Variants in GNAQ observed in about 807,000 individuals in gnomAD.
The protein encoded by GNAQ is guanine nucleotide-binding protein G(q) subunit alpha.
GNAQ carries 8 observed loss-of-function variants against 43.9 expected under a neutral mutation model. That is an observed-to-expected ratio of 0.18 (90% confidence interval 0.11 to 0.33). GNAQ has a LOEUF of 0.33. Ranked by LOEUF, GNAQ falls within the 10% of genes least tolerant of loss-of-function variation. The pLI is 1.00. For missense variants in GNAQ, 158 were observed against 450.8 expected, an observed-to-expected ratio of 0.35 and a Z score of 5.88; for synonymous variants, 155 against 170.7, an observed-to-expected ratio of 0.91 and a Z score of 0.71.
chr9:77,863,550 T>C (rs1407748308), intron 2 of GNAQ, among the ~76,000 whole-genome samples: 1 of 152,206 alleles, frequency 6.6e-6, no homozygotes, highest in African/African-American at 2.4e-5. Flanking sequence ...CACCTCTGCC[T>C]ATTACCCAGT....
chr9:77,884,408 C>A (rs114147023), intron 2 of GNAQ, among the ~76,000 whole-genome samples: 1 of 152,094 alleles, frequency 6.6e-6, no homozygotes, highest in Non-Finnish European at 1.5e-5. Flanking sequence ...ATGCAAACGA[C>A]TATTAGGAAA....
rs545983550 is a variant in GNAQ, at chr9:77,751,710, C to T, written c.736-23043G>A. On this transcript the variant is annotated intron_variant, in intron 5 of 6. Coordinates refer to ENST00000286548, the MANE Select transcript of GNAQ (RefSeq NM_002072.5). Reference sequence around the variant, plus strand: ...CTCTTTATTCTCCTTAGTAATAAGACCTTCCACTTCCTGTAATTTCAATTT... The same window carrying T: ...CTCTTTATTCTCCTTAGTAATAAGATCTTCCACTTCCTGTAATTTCAATTT... Among the ~76,000 whole-genome samples, 8 of 152,218 alleles carry T rather than the reference C, an allele frequency of 5.3e-5. No homozygotes were observed. The East Asian group carries it at 1.5e-3, about 29-fold the overall frequency.
chr9:77,886,826 C>G (rs368184662), intron 2 of GNAQ, among the ~76,000 whole-genome samples: 1 of 151,788 alleles, frequency 6.6e-6, no homozygotes, highest in Non-Finnish European at 1.5e-5. Context: ...AAATAAAATA[C>G]GCAGCCGGGC....
intron 1 of GNAQ, among the ~76,000 whole-genome samples, chr9:77,958,508 T>G (rs1244796815): frequency 6.6e-6 from 1 of 152,258 alleles, no homozygotes; most frequent in Non-Finnish European, 1.5e-5. Flanking sequence ...AATTTAGGAC[T>G]TCCTTTGAAA....
At chr9:77,819,795 A>AC (rs58077766) in intron 2 of GNAQ, among the ~76,000 whole-genome samples, 1 of 150,526 alleles carries the variant, frequency 6.6e-6, no homozygotes, top group Non-Finnish European at 1.5e-5. Flanking sequence ...AAAAAAAAAA[A>AC]CCCTCAGCCT....
At chr9:77,856,966 T>C (rs1827764972) in intron 2 of GNAQ, among the ~76,000 whole-genome samples, 3 of 152,180 alleles carry the variant, frequency 2.0e-5, no homozygotes, top group African/African-American at 7.2e-5. Context: ...GAGGTGTTAG[T>C]GCCATCTGGA....
chr9:77,929,448 A>AT (rs1201066915), intron 1 of GNAQ, among the ~76,000 whole-genome samples: 1 of 152,200 alleles, frequency 6.6e-6, no homozygotes, highest in African/African-American at 2.4e-5. Flanking sequence ...GTTATAGAAA[A>AT]TTATTTTAAA....
At chr9:77,954,509 G>A (rs1823019625) in intron 1 of GNAQ, among the ~76,000 whole-genome samples, 1 of 152,164 alleles carries the variant, frequency 6.6e-6, no homozygotes, top group Non-Finnish European at 1.5e-5. Context: ...GAGTCACGCT[G>A]TTGGGCACAC....
At chr9:77,766,534 T>C (rs916039458) in intron 5 of GNAQ, among the ~76,000 whole-genome samples, 1 of 152,220 alleles carries the variant, frequency 6.6e-6, no homozygotes, top group African/African-American at 2.4e-5. Flanking sequence ...TGGGTGTCTC[T>C]GATTTTCTTT....
chr9:77,813,944 A>G (rs1194711047), intron 3 of GNAQ, among the ~76,000 whole-genome samples: 2 of 152,226 alleles, frequency 1.3e-5, no homozygotes, highest in African/African-American at 4.8e-5. Flanking sequence ...AAGACATCAC[A>G]GTAGCAAAGT....
intron 2 of GNAQ, among the ~76,000 whole-genome samples, chr9:77,847,561 A>G (rs1415992144): frequency 6.6e-6 from 1 of 152,218 alleles, no homozygotes; most frequent in East Asian, 1.9e-4. Flanking sequence ...AAAAAAATAG[A>G]GCTCCTTAAG....
chr9:77,985,668 T>C (rs1216831598), intron 1 of GNAQ, among the ~76,000 whole-genome samples: 2 of 152,068 alleles, frequency 1.3e-5, no homozygotes, highest in Non-Finnish European at 2.9e-5. Context: ...TACTGCAATC[T>C]CTCTGCCTCC....
intron 1 of GNAQ, among the ~76,000 whole-genome samples, chr9:77,953,355 AT>A (rs929907943): frequency 6.6e-5 from 10 of 152,210 alleles, no homozygotes; most frequent in Admixed American, 5.9e-4. Context: ...TGTTTATGTT[AT>A]TTTCATGTTT....
At chr9:77,965,460 G>A (rs539206225) in intron 1 of GNAQ, among the ~76,000 whole-genome samples, 3 of 152,068 alleles carry the variant, frequency 2.0e-5, no homozygotes, top group South Asian at 2.1e-4. Context: ...TACTTGCAAA[G>A]CATACATACA....
chr9:77,961,412 A>G (rs2118421497), intron 1 of GNAQ, among the ~76,000 whole-genome samples: 1 of 152,236 alleles, frequency 6.6e-6, no homozygotes, highest in Admixed American at 6.5e-5. Flanking sequence ...GAATGCTGGA[A>G]AGGAAAGAGC....
intron 2 of GNAQ, among the ~76,000 whole-genome samples, chr9:77,915,290 C>T (rs1313437583): frequency 6.7e-6 from 1 of 150,004 alleles, no homozygotes; most frequent in Non-Finnish European, 1.5e-5. Context: ...TCCTTAAATA[C>T]CTCCTAAATC....
intron 6 of GNAQ, among the ~76,000 whole-genome samples, chr9:77,722,964 G>A (rs1825340175): frequency 6.6e-6 from 1 of 152,160 alleles, no homozygotes; most frequent in Non-Finnish European, 1.5e-5. Flanking sequence ...TTAAGAAAGT[G>A]AAAAGCCAAT....
intron 1 of GNAQ, among the ~76,000 whole-genome samples, chr9:77,991,701 C>T (rs111946013): frequency 6.6e-6 from 1 of 152,128 alleles, no homozygotes; most frequent in African/African-American, 2.4e-5. Flanking sequence ...AATATGCAGT[C>T]TTTTATCCCT....
intron 2 of GNAQ, among the ~76,000 whole-genome samples, chr9:77,838,676 G>A (rs1827434900): frequency 6.6e-6 from 1 of 151,640 alleles, no homozygotes; most frequent in Non-Finnish European, 1.5e-5. Context: ...CCTCGGCCTT[G>A]CAAAGTGCTG....
Sources: allele counts gnomAD v4.1 joint callset (sites outside exome capture counted in the v4.1 genomes callset), GRCh38; gene constraint gnomAD v4.1.1; transcripts MANE v1.5; gene names NCBI Gene and HGNC (gene_info 2026-07-23, HGNC 2026-07-21).